Variants in DMD observed in about 807,000 individuals in gnomAD.
DMD encodes mutant dystrophin.
In DMD, 63 loss-of-function variants were observed where a neutral mutation model predicts 330.1. The observed-to-expected ratio is 0.19, with a 90% CI of 0.16 to 0.24. The LOEUF is 0.24. Ranked by LOEUF, DMD falls within the 10% of genes least tolerant of loss-of-function variation. DMD has a pLI of 1.00. For missense variants in DMD, 3,344 were observed against 2,684.1 expected (o/e 1.25, Z -5.43); for synonymous variants, 1,223 against 959.8 (o/e 1.27, Z -5.07).
chrX:32,017,653 G>C (rs2095773763), intron 44 of DMD, among the ~76,000 whole-genome samples: 1 of 111,689 alleles, frequency 9.0e-6, no homozygotes, highest in Non-Finnish European at 1.9e-5. Context: ...CTGGCCTGGA[G>C]GTAGCGCCAG....
At chrX:31,751,396 A>G (rs985265297) in intron 51 of DMD, among the ~76,000 whole-genome samples, 16 of 111,561 alleles carry the variant, frequency 1.4e-4, no homozygotes, top group African/African-American at 4.9e-4. Flanking sequence ...TTCTCATGCC[A>G]CCAAATCCAT....
rs1312229247 is a variant in DMD at position 31,182,842 on chromosome X, C to G, written c.9870G>C (p.Gln3290His). 8.3e-7 allele frequency: 1 copy of G among 1,209,835 alleles called. No homozygotes were observed. Residue 3290 changes from glutamine to histidine, a missense_variant, in exon 68 of 79, where the codon CAG becomes CAC. Physicochemically the swap from Gln to His is conservative, Grantham distance 24. Coordinates refer to ENST00000357033, the MANE Select transcript of DMD (RefSeq NM_004006.3). ...GCAGGACGGGCAGCCACACCATGGA[C>G]TGGGGTTCCAGTCTCATCCAGTCTA... ...LFLDWMRLEPQSMVWLPVLHR... is the reference protein window; with the variant it reads ...LFLDWMRLEPHSMVWLPVLHR...
At chrX:32,508,912 G>T (rs1037869410) in intron 18 of DMD, among the ~76,000 whole-genome samples, 1 of 110,110 alleles carries the variant, frequency 9.1e-6, no homozygotes, top group Non-Finnish European at 1.9e-5. Flanking sequence ...CCGGGTTCAC[G>T]CCATTCTCCT....
At chrX:31,925,762 C>T (rs1190541345) in intron 47 of DMD, among the ~76,000 whole-genome samples, 1 of 108,453 alleles carries the variant, frequency 9.2e-6, no homozygotes, top group Non-Finnish European at 1.9e-5. Context: ...ATCCCAGCTA[C>T]TCGGGAAGCT....
chrX:32,894,223 A>T (rs1021342589), intron 2 of DMD, among the ~76,000 whole-genome samples: 1 of 112,154 alleles, frequency 8.9e-6, no homozygotes, highest in African/African-American at 3.2e-5. Flanking sequence ...TCACATCATG[A>T]TGTTGTACTG....
In DMD at chrX:33,009,426, A is replaced by G. The variant is rs758850128; in HGVS notation, c.93+10713T>C. On this transcript the variant is annotated intron_variant, in intron 2 of 78. Coordinates refer to ENST00000357033, the MANE Select transcript of DMD (RefSeq NM_004006.3). ...TATGTGTATATACACATGTGTGTAT[A>G]TGTATGTGTATACACATATGTATGT... Among the ~76,000 whole-genome samples, 15 of 32,180 alleles carry G rather than the reference A, an allele frequency of 4.7e-4. No homozygotes were observed. In the East Asian group the frequency reaches 0.02, roughly 43 times the overall value. The allele number at this position is 32,180 out of a possible 115,157, so 27.9% of individuals were successfully genotyped here.
chrX:32,966,480 T>G (rs757356185), intron 2 of DMD, among the ~76,000 whole-genome samples: 1 of 111,917 alleles, frequency 8.9e-6, no homozygotes, highest in South Asian at 3.7e-4. Context: ...TGTATACATT[T>G]TAAAGAATTA....
chrX:33,029,007 A>G (rs1286311880), intron 1 of DMD, among the ~76,000 whole-genome samples: 2 of 111,652 alleles, frequency 1.8e-5, no homozygotes, highest in Non-Finnish European at 3.8e-5. Flanking sequence ...GGCACCAAAC[A>G]TGGTATACTG....
intron 55 of DMD, among the ~76,000 whole-genome samples, chrX:31,618,233 GAA>G (rs59868097): frequency 2.2e-5 from 2 of 89,970 alleles, no homozygotes; most frequent in African/African-American, 4.1e-5. Context: ...AAATAAAAGT[GAA>G]AAAAAAAAAA....
chrX:31,212,733 T>A (rs1874418951), intron 64 of DMD, among the ~76,000 whole-genome samples: 1 of 111,272 alleles, frequency 9.0e-6, no homozygotes, highest in Admixed American at 9.6e-5. Flanking sequence ...TCACTCTGGG[T>A]GTTATGGCAG....
At chrX:32,995,280 C>T in intron 2 of DMD, among the ~76,000 whole-genome samples, 1 of 112,036 alleles carries the variant, frequency 8.9e-6, no homozygotes, top group Non-Finnish European at 1.9e-5. Context: ...AACTTAAATG[C>T]CGTATAAAGC....
At chrX:32,819,454 C>CG (rs1015408964) in intron 5 of DMD, among the ~76,000 whole-genome samples, 6 of 109,423 alleles carry the variant, frequency 5.5e-5, no homozygotes, top group Non-Finnish European at 7.6e-5. Context: ...TTTAGCACTC[C>CG]GAAAAAAAAA....
intron 18 of DMD, among the ~76,000 whole-genome samples, chrX:32,512,132 G>T (rs1460431971): frequency 8.9e-6 from 1 of 111,892 alleles, no homozygotes; most frequent in Non-Finnish European, 1.9e-5. Context: ...ATAATTTGAA[G>T]CAAAGAATAC....
At chrX:32,927,840 G>T (rs2089208068) in intron 2 of DMD, among the ~76,000 whole-genome samples, 1 of 110,478 alleles carries the variant, frequency 9.1e-6, no homozygotes, top group Admixed American at 9.7e-5. Context: ...CGGATTATTT[G>T]ATTTAGAAAA....
intron 1 of DMD, among the ~76,000 whole-genome samples, chrX:33,278,366 T>A (rs1397916736): frequency 9.0e-6 from 1 of 111,206 alleles, no homozygotes; most frequent in Non-Finnish European, 1.9e-5. Flanking sequence ...CAGAGTCTAC[T>A]GTTCTCATCT....
intron 47 of DMD, among the ~76,000 whole-genome samples, chrX:31,907,891 A>G (rs1329266397): frequency 3.5e-5 from 4 of 112,768 alleles, no homozygotes; most frequent in African/African-American, 6.4e-5. Context: ...AACCTCATCG[A>G]AAAGTCGGCC....
rs753482446 is a variant in DMD, at chrX:32,190,550, T to TTATATATATATATATATA, written c.6438+26348_6438+26365dup. Among the ~76,000 whole-genome samples the TTATATATATATATATATA allele has an allele frequency of 5.1e-3, 317 of 62,474 alleles. 5 individuals carry two copies. The highest frequency in any genetic ancestry group is 9.8e-3 in the Middle Eastern group (1 of 102). 54.3% of individuals were successfully genotyped at this position (62,474 alleles called of 115,157 possible). A position where few individuals can be genotyped will look rare whatever the true frequency, so the allele number is the denominator to read the frequency against. On this transcript the variant is annotated intron_variant, in intron 44 of 78. Transcript: ENST00000357033. The stretch of plus-strand genomic sequence containing the variant: ...ATTCTAGCTAACCATATTTAAAATT[T>TTATATATATATATATATA]TATATATATATATATATATATATAT...
intron 7 of DMD, among the ~76,000 whole-genome samples, chrX:32,752,150 C>T (rs978502602): frequency 8.9e-6 from 1 of 111,848 alleles, no homozygotes; most frequent in Admixed American, 9.4e-5. Flanking sequence ...AAGAGGGCCA[C>T]TGTCCTCCAG....
intron 2 of DMD, among the ~76,000 whole-genome samples, chrX:32,892,397 T>G (rs1172899871): frequency 9.9e-6 from 1 of 100,614 alleles, no homozygotes; most frequent in Non-Finnish European, 2.2e-5. Context: ...TCGTTTTTTG[T>G]TTTTTGTTTC....
Sources: allele counts gnomAD v4.1 joint callset (sites outside exome capture counted in the v4.1 genomes callset), GRCh38; gene constraint gnomAD v4.1.1; transcripts MANE v1.5; gene names NCBI Gene and HGNC (gene_info 2026-07-23, HGNC 2026-07-21).